The following DOK6 variants were observed in gnomAD, a reference collection of about 807,000 sequenced individuals.
DOK6 encodes docking protein 6.
A neutral mutation model predicts 44.0 loss-of-function variants in DOK6; 22 were observed. That is an observed-to-expected ratio of 0.50 (90% CI 0.36 to 0.71). DOK6 has a LOEUF of 0.71. Among genes scored for constraint, DOK6 ranks in the 30% least tolerant of loss-of-function variants. DOK6 has a pLI of 0.00. For missense variants in DOK6, 340 were observed against 416.4 expected, an observed-to-expected ratio of 0.82 and a Z score of 1.60; for synonymous variants, 166 against 145.5, an observed-to-expected ratio of 1.14 and a Z score of -1.01.
At chr18:69,804,216 C>G (rs1214961437) in intron 7 of DOK6, among the ~76,000 whole-genome samples, 3 of 152,100 alleles carry the variant, frequency 2.0e-5, no homozygotes, top group Admixed American at 2.0e-4. Flanking sequence ...CTTGAGGACT[C>G]TCATTGAAAA....
In DOK6 at chr18:69,599,464, C is replaced by T. The variant is rs774597695; in HGVS notation, c.255C>T (p.His85=). Reference sequence around the variant, plus strand: ...AGCATGCGGTGGCAATCATCTTTCACGATGAAACATCGAAGACATTTGCCT... The same window carrying T: ...AGCATGCGGTGGCAATCATCTTTCATGATGAAACATCGAAGACATTTGCCT... The part of the protein sequence containing the change: ...TKKHAVAIIF[H]DETSKTFACE... Residue 85 remains histidine (H), a synonymous_variant, in exon 3 of 8, where the codon CAC becomes CAT. Transcript: ENST00000382713. The T allele has an allele frequency of 3.1e-5, 50 of 1,613,758 alleles. No homozygotes were observed. Among genetic ancestry groups the T allele is most frequent in the South Asian group, 2.5e-4 (23 of 91,060 alleles).
chr18:69,672,974 G>A (rs904572115), intron 3 of DOK6, among the ~76,000 whole-genome samples: 1 of 151,952 alleles, frequency 6.6e-6, no homozygotes, highest in Non-Finnish European at 1.5e-5. Flanking sequence ...TCAAATCATA[G>A]CAAATCTGCA....
At chr18:69,403,114 A>G (rs1916134212) in intron 1 of DOK6, among the ~76,000 whole-genome samples, 1 of 152,110 alleles carries the variant, frequency 6.6e-6, no homozygotes. Context: ...GCCTCAGACT[A>G]TATAAACTAA....
chr18:69,460,530 A>C (rs1157194901), intron 1 of DOK6, among the ~76,000 whole-genome samples: 1 of 152,200 alleles, frequency 6.6e-6, no homozygotes, highest in Non-Finnish European at 1.5e-5. Context: ...ATGTATTTGT[A>C]CATGAATATA....
At chr18:69,519,908 G>A (rs1296985717) in intron 1 of DOK6, among the ~76,000 whole-genome samples, 1 of 151,652 alleles carries the variant, frequency 6.6e-6, no homozygotes, top group Non-Finnish European at 1.5e-5. Flanking sequence ...AATAAGTTGT[G>A]TTTCTTATTT....
At chr18:69,743,826 A>AG (rs1555667421) in intron 6 of DOK6, among the ~76,000 whole-genome samples, 1 of 97,412 alleles carries the variant, frequency 1.0e-5, no homozygotes, top group Non-Finnish European at 2.8e-5. Context: ...GTATTAAAAA[A>AG]AAAAAAAAAA....
chr18:69,474,706 A>G (rs942213737), intron 1 of DOK6, among the ~76,000 whole-genome samples: 12 of 152,210 alleles, frequency 7.9e-5, no homozygotes, highest in African/African-American at 2.9e-4. Flanking sequence ...TGGCTATAGG[A>G]TAACTAAAAT....
intron 2 of DOK6, among the ~76,000 whole-genome samples, chr18:69,583,488 A>G (rs1253089480): frequency 6.6e-6 from 1 of 152,172 alleles, no homozygotes; most frequent in Non-Finnish European, 1.5e-5. Context: ...TCTCACTTGT[A>G]TTATCTGTCA....
intron 1 of DOK6, among the ~76,000 whole-genome samples, chr18:69,471,418 G>T (rs1980103577): frequency 6.6e-6 from 1 of 151,664 alleles, no homozygotes; most frequent in South Asian, 2.1e-4. Flanking sequence ...AGGTGAATAT[G>T]GTGGGTAGAA....
chr18:69,407,464 A>C (rs2122384303), intron 1 of DOK6, among the ~76,000 whole-genome samples: 1 of 152,322 alleles, frequency 6.6e-6, no homozygotes, highest in Admixed American at 6.5e-5. Context: ...CACTTTAGTC[A>C]CAGTATTTTC....
chr18:69,736,266 T>C (rs1026666374), intron 5 of DOK6, among the ~76,000 whole-genome samples: 2 of 152,212 alleles, frequency 1.3e-5, no homozygotes, highest in Non-Finnish European at 2.9e-5. Flanking sequence ...ATCGGTGCCC[T>C]AGTCTTTTGA....
chr18:69,661,455 G>A (rs1985524293), intron 3 of DOK6: 1 of 152,100 alleles, frequency 6.6e-6, no homozygotes. Context: ...ATATGCATAA[G>A]CAACTAAAGA....
chr18:69,642,797 T>G (rs1347560866), intron 3 of DOK6, among the ~76,000 whole-genome samples: 1 of 152,200 alleles, frequency 6.6e-6, no homozygotes, highest in Non-Finnish European at 1.5e-5. Flanking sequence ...ATGATAGTTT[T>G]AGCTACTTGG....
In DOK6 at chr18:69,722,803, C is replaced by A. The variant is rs115544030; in HGVS notation, c.600-16162C>A. Among the ~76,000 whole-genome samples, 622 of 152,180 alleles carry A rather than the reference C, an allele frequency of 4.1e-3. 6 individuals are homozygous for A. Among genetic ancestry groups the A allele is most frequent in the South Asian group, 0.013 (64 of 4,814 alleles). On this transcript the variant is annotated intron_variant, in intron 5 of 7. Transcript: ENST00000382713. ...ATTAACAAATAATCAGCACCAAAAT[C>A]AAAAATAACAGCCCAGGATCCTGAG...
In DOK6 at chr18:69,698,428, C is replaced by T; in HGVS notation, c.434C>T (p.Pro145Leu). 1 of 1,613,140 alleles carries T rather than the reference C, an allele frequency of 6.2e-7. No individual in the cohort carries two copies. Among genetic ancestry groups the T allele is most frequent in the South Asian group, 1.1e-5 (1 of 90,970 alleles). ...QNERFNVYLMPTPNLDIYGEC... is the reference protein window; with the variant it reads ...QNERFNVYLMLTPNLDIYGEC... ...GAGAGATTCAACGTGTATCTTATGC[C>T]TACACCAAACCTGGATATTTATGGT... Residue 145 changes from proline to leucine, a missense_variant, in exon 5 of 8, where the codon CCT (proline) becomes CTT (leucine). Transcript: ENST00000382713.
intron 1 of DOK6, among the ~76,000 whole-genome samples, chr18:69,509,598 G>T (rs564098241): frequency 1.5e-5 from 2 of 133,172 alleles, no homozygotes; most frequent in Non-Finnish European, 3.0e-5. Context: ...AGATCGCGCC[G>T]CTGCACTCCA....
intron 1 of DOK6, among the ~76,000 whole-genome samples, chr18:69,519,847 A>G (rs897813012): frequency 2.0e-5 from 3 of 151,904 alleles, no homozygotes; most frequent in Admixed American, 6.6e-5. Context: ...TCATAACTGT[A>G]TTATGCTGGC....
rs1382799668 is a variant in DOK6 at position 69,488,891 on chromosome 18, G to A, written c.67-75596G>A. On this transcript the variant is annotated intron_variant, in intron 1 of 7. Transcript: ENST00000382713. Reference sequence around the variant, plus strand: ...TTTTATGTGAATGTCACTGCTACCTGTACTACTACAGCCAGAACTCCTGTT... The same window carrying A: ...TTTTATGTGAATGTCACTGCTACCTATACTACTACAGCCAGAACTCCTGTT... 5.9e-5 allele frequency among the ~76,000 whole-genome samples: 9 copies of A among 152,124 alleles called. No homozygotes were observed. In the East Asian group the frequency reaches 1.3e-3, roughly 23 times the overall value.
intron 1 of DOK6, among the ~76,000 whole-genome samples, chr18:69,428,005 T>G (rs1978692136): frequency 6.6e-6 from 1 of 152,148 alleles, no homozygotes; most frequent in Non-Finnish European, 1.5e-5. Context: ...CTCGAACTCC[T>G]GTCCCCAGGT....
Sources: gnomAD v4.1 joint callset for allele counts (sites outside exome capture counted in the v4.1 genomes callset) on GRCh38, gnomAD v4.1.1 for gene constraint, MANE v1.5 for transcripts, NCBI Gene and HGNC (gene_info 2026-07-23, HGNC 2026-07-21) for gene names.